The following DDAH1 variants were observed in gnomAD, a reference collection of about 807,000 sequenced individuals.
DDAH1 encodes the protein dimethylarginine dimethylaminohydrolase 1.
A neutral mutation model predicts 28.8 loss-of-function variants in DDAH1; 19 were observed. The ratio of observed to expected loss-of-function variants is 0.66; its 90% CI spans 0.46 to 0.97. The LOEUF is 0.97. Ranked by LOEUF, DDAH1 falls within the 50% of genes least tolerant of loss-of-function variation. The pLI is 0.00. For synonymous variants in DDAH1, 153 were observed against 154.4 expected (o/e 0.99, Z 0.07); for missense variants, 326 against 375.9 (o/e 0.87, Z 1.10).
intron 1 of DDAH1, among the ~76,000 whole-genome samples, chr1:85,441,781 C>T (rs1230068162): frequency 6.6e-6 from 1 of 152,162 alleles, no homozygotes; most frequent in Non-Finnish European, 1.5e-5. Context: ...TACCTTTCAA[C>T]TTTATGTTTG....
chr1:85,321,327 A>G lies in DDAH1; in HGVS notation c.*125T>C. The G allele has an allele frequency of 2.9e-6, 2 of 681,340 alleles. No homozygotes were observed. Among genetic ancestry groups the G allele is most frequent in the South Asian group, 3.8e-5 (2 of 53,302 alleles). The allele number at this position is 681,340 out of a possible 1,614,324, so 42.2% of individuals were successfully genotyped here. Reference sequence around the variant, plus strand: ...ATGAAGCAATTCAACTTAGAATCAAATTTTGTAAACAAGAGTTAGTAGCAC... The same window carrying G: ...ATGAAGCAATTCAACTTAGAATCAAGTTTTGTAAACAAGAGTTAGTAGCAC... On this transcript the variant is annotated 3_prime_UTR_variant, in exon 6 of 6. Coordinates refer to ENST00000284031, the MANE Select transcript of DDAH1 (RefSeq NM_012137.4).
chr1:85,353,354 G>A (rs912621108), intron 2 of DDAH1, among the ~76,000 whole-genome samples: 1 of 152,132 alleles, frequency 6.6e-6, no homozygotes, highest in Non-Finnish European at 1.5e-5. Flanking sequence ...TGAAGTATAA[G>A]AAGAGTAGCC....
intron 1 of DDAH1, among the ~76,000 whole-genome samples, chr1:85,451,950 G>C (rs1431960318): frequency 2.0e-5 from 3 of 152,190 alleles, no homozygotes; most frequent in African/African-American, 4.8e-5. Context: ...ACAAATGAGT[G>C]TATCACTTCA....
chr1:85,505,946 C>T (rs1657002920), intron 1 of DDAH1, among the ~76,000 whole-genome samples: 1 of 152,200 alleles, frequency 6.6e-6, no homozygotes, highest in Admixed American at 6.5e-5. Context: ...TAACAGCCTG[C>T]AACTTAACCA....
intron 1 of DDAH1, among the ~76,000 whole-genome samples, chr1:85,522,624 A>AT (rs200678432): frequency 0.02 from 3,069 of 152,014 alleles, 92 homozygotes; most frequent in African/African-American, 0.07. Context: ...TGTTTGCAAC[A>AT]TTTTTTTTCC....
At chr1:85,477,832 TA>T (rs1053976924) in intron 2 of DDAH1, among the ~76,000 whole-genome samples, 6 of 152,040 alleles carry the variant, frequency 3.9e-5, no homozygotes, top group Admixed American at 3.3e-4. Flanking sequence ...TATGCATCAA[TA>T]AAAAAATGCT....
intron 2 of DDAH1, among the ~76,000 whole-genome samples, chr1:85,473,674 A>G (rs1655698225): frequency 6.6e-6 from 1 of 152,142 alleles, no homozygotes; most frequent in South Asian, 2.1e-4. Context: ...CACATGTCCA[A>G]AGAATCCTTT....
chr1:85,483,183 C>T (rs1656069904), intron 2 of DDAH1, among the ~76,000 whole-genome samples: 2 of 147,318 alleles, frequency 1.4e-5, no homozygotes, highest in African/African-American at 5.0e-5. Flanking sequence ...CACTGCATTC[C>T]AGCCTGGGCA....
At chr1:85,517,874 C>T (rs1259088625) in intron 1 of DDAH1, among the ~76,000 whole-genome samples, 1 of 152,144 alleles carries the variant, frequency 6.6e-6, no homozygotes, top group Non-Finnish European at 1.5e-5. Flanking sequence ...TCACTGGGCC[C>T]TCATGTTTGA....
intron 1 of DDAH1, among the ~76,000 whole-genome samples, chr1:85,381,730 T>A (rs921810319): frequency 1.3e-5 from 2 of 150,276 alleles, no homozygotes; most frequent in Non-Finnish European, 3.0e-5. Flanking sequence ...TTTTTTTTTT[T>A]ACAAATTGAA....
intron 1 of DDAH1, among the ~76,000 whole-genome samples, chr1:85,425,700 A>C (rs1446634437): frequency 3.9e-5 from 6 of 152,140 alleles, no homozygotes. Flanking sequence ...TCCAAAACAC[A>C]CATATTTAGT....
chr1:85,531,204 T>C (rs1309934696), intron 1 of DDAH1, among the ~76,000 whole-genome samples: 1 of 152,122 alleles, frequency 6.6e-6, no homozygotes, highest in Non-Finnish European at 1.5e-5. Flanking sequence ...TTCTGCCCCA[T>C]GATCCAAGTG....
intron 2 of DDAH1, among the ~76,000 whole-genome samples, chr1:85,354,676 C>T (rs1649397689): frequency 6.6e-6 from 1 of 151,576 alleles, no homozygotes; most frequent in South Asian, 2.1e-4. Context: ...TAAAAAAAAC[C>T]TCATTACCTT....
chr1:85,423,379 T>C (rs138979252), intron 1 of DDAH1, among the ~76,000 whole-genome samples: 1 of 152,284 alleles, frequency 6.6e-6, no homozygotes, highest in East Asian at 1.9e-4. Context: ...TCTTAACAAT[T>C]TGAGTCTTCC....
chr1:85,385,183 G>A (rs986814427), intron 1 of DDAH1, among the ~76,000 whole-genome samples: 3 of 152,188 alleles, frequency 2.0e-5, no homozygotes, highest in African/African-American at 7.2e-5. Context: ...GTCTGCCAGA[G>A]TACCTTTGCT....
chr1:85,499,460 G>T (rs1451719108), intron 1 of DDAH1, among the ~76,000 whole-genome samples: 1 of 152,154 alleles, frequency 6.6e-6, no homozygotes, highest in Non-Finnish European at 1.5e-5. Flanking sequence ...GGCTCACAAG[G>T]TCAGGAGTTC....
intron 1 of DDAH1, among the ~76,000 whole-genome samples, chr1:85,573,027 G>A (rs759961597): frequency 2.0e-5 from 3 of 152,224 alleles, no homozygotes; most frequent in South Asian, 4.1e-4. Context: ...CTCATTCTAT[G>A]TTAATTGCAG....
chr1:85,332,184 C>G (rs962636723), intron 4 of DDAH1, among the ~76,000 whole-genome samples: 3 of 152,212 alleles, frequency 2.0e-5, no homozygotes, highest in African/African-American at 7.2e-5. Flanking sequence ...TCCCACCAGA[C>G]TGCATTGTGC....
At position 85,364,515 on chromosome 1, in the gene DDAH1, T is replaced by C. The variant is rs558298127; in HGVS notation, c.304-5668A>G. On this transcript the variant is annotated intron_variant, in intron 1 of 5. Coordinates refer to ENST00000284031, the MANE Select transcript of DDAH1 (RefSeq NM_012137.4). ...GAGATGCCTTAGGTTTGTTCAGTGGTTCATTCCTAAATTTGTCCATATGTG... is the reference window on the plus strand; with the variant it reads ...GAGATGCCTTAGGTTTGTTCAGTGGCTCATTCCTAAATTTGTCCATATGTG... 8.2e-4 allele frequency among the ~76,000 whole-genome samples: 125 copies of C among 152,188 alleles called. 1 individual carries two copies. In the Middle Eastern group the frequency reaches 0.01, roughly 12 times the overall value.
Sources: gnomAD v4.1 joint callset for allele counts (sites outside exome capture counted in the v4.1 genomes callset) on GRCh38, gnomAD v4.1.1 for gene constraint, MANE v1.5 for transcripts, NCBI Gene and HGNC (gene_info 2026-07-23, HGNC 2026-07-21) for gene names.